ZNF407: variants seen among roughly 807,000 people sequenced by gnomAD.
ZNF407 encodes the protein zinc finger protein 407.
ZNF407 carries 17 observed loss-of-function variants against 131.2 expected under a neutral mutation model. The observed-to-expected ratio is 0.13, with a 90% CI of 0.09 to 0.19. The LOEUF (loss-of-function observed/expected upper bound fraction) is 0.19, where lower values mean the gene tolerates loss of function less well. Among genes scored for constraint, ZNF407 ranks in the 10% least tolerant of loss-of-function variants. ZNF407 has a pLI of 1.00. For missense variants in ZNF407, 2,681 were observed against 2,830.6 expected (o/e 0.95, Z 1.20); for synonymous variants, 1,156 against 1,062.0 (o/e 1.09, Z -1.72).
chr18:74,759,762 T>G (rs1490480238), intron 3 of ZNF407, among the ~76,000 whole-genome samples: 1 of 151,754 alleles, frequency 6.6e-6, no homozygotes, highest in Non-Finnish European at 1.5e-5. Flanking sequence ...ATTCTCTTAT[T>G]TTCCTGTATT....
At chr18:74,881,155 G>A (rs1334408381) in intron 6 of ZNF407, 36 bp downstream of exon 6, 4 of 1,532,500 alleles carry the variant, frequency 2.6e-6, no homozygotes, top group Non-Finnish European at 3.5e-6. Context: ...CTTCTCTGCA[G>A]AGAGGACGGC....
chr18:75,064,419 C>G lies in ZNF407; in HGVS notation c.6698C>G (p.Ala2233Gly). The G allele has an allele frequency of 1.3e-6, 2 of 1,523,590 alleles. No individual in the cohort carries two copies. The highest frequency in any genetic ancestry group is 1.8e-6 in the Non-Finnish European group (2 of 1,136,498). The allele number at this position is 1,523,590 out of a possible 1,614,324, so 94.4% of individuals were successfully genotyped here. The change falls in exon 9 of 9, where the codon GCG becomes GGG. Residue 2233 changes from alanine to glycine, a missense_variant. Physicochemically the swap from Ala to Gly is moderately conservative, Grantham distance 60. Transcript: ENST00000299687. ...VIYTQEGSSA[A>G]AAIQSQRESS... ...TACACCCAGGAGGGCTCCTCGGCCG[C>G]GGCGGCAATTCAGAGCCAAAGAGAA...
chr18:74,746,521 T>A (rs1419781805), intron 3 of ZNF407, among the ~76,000 whole-genome samples: 1 of 152,160 alleles, frequency 6.6e-6, no homozygotes, highest in Non-Finnish European at 1.5e-5. Flanking sequence ...CATATAAGAA[T>A]GAGAATATTC....
chr18:74,688,241 A>G (rs768351163), intron 3 of ZNF407, among the ~76,000 whole-genome samples: 9 of 152,216 alleles, frequency 5.9e-5, no homozygotes, highest in Non-Finnish European at 1.3e-4. Context: ...TCTCAGTTAC[A>G]CGTTGCAAGG....
rs1046468421 is a variant in ZNF407, at chr18:74,752,759, G to A, written c.4803-28669G>A. Among the ~76,000 whole-genome samples, 7 of 152,324 alleles carry A rather than the reference G, an allele frequency of 4.6e-5. No homozygotes were observed. In the East Asian group the frequency reaches 9.6e-4, roughly 21 times the overall value. ...ATCTCTGTTTTGGTACCAGTACCAT[G>A]CTGTTTTGGTTACTGTAGCCTTGTA... On this transcript the variant is annotated intron_variant, in intron 3 of 8. Transcript: ENST00000299687.
intron 3 of ZNF407, among the ~76,000 whole-genome samples, chr18:74,686,794 A>C (rs905741884): frequency 6.6e-6 from 1 of 152,228 alleles, no homozygotes. Context: ...AACAAAGGTA[A>C]ATTTTTTCTT....
At chr18:74,891,024 C>A (rs1321354152) in intron 7 of ZNF407, among the ~76,000 whole-genome samples, 1 of 152,176 alleles carries the variant, frequency 6.6e-6, no homozygotes, top group African/African-American at 2.4e-5. Context: ...CTAGTGGCGG[C>A]AGCGAAGCCT....
intron 1 of ZNF407, among the ~76,000 whole-genome samples, chr18:74,625,258 T>C (rs1983737056): frequency 6.6e-6 from 1 of 152,238 alleles, no homozygotes; most frequent in Non-Finnish European, 1.5e-5. Flanking sequence ...CTCATTATTT[T>C]GCTTCTTAGT....
intron 2 of ZNF407, among the ~76,000 whole-genome samples, chr18:74,636,793 T>A (rs1382382649): frequency 6.6e-6 from 1 of 152,246 alleles, no homozygotes; most frequent in Non-Finnish European, 1.5e-5. Context: ...GTACTTGTGA[T>A]CCCAAATATT....
At chr18:74,714,791 G>GT (rs932729184) in intron 3 of ZNF407, among the ~76,000 whole-genome samples, 4 of 152,088 alleles carry the variant, frequency 2.6e-5, no homozygotes, top group Non-Finnish European at 2.9e-5. Flanking sequence ...GTTTTGAAGT[G>GT]TTTTTTTACA....
rs1418689644 is a variant in ZNF407 at position 74,830,830 on chromosome 18, C to T, written c.4878-46367C>T. On this transcript the variant is annotated intron_variant, in intron 4 of 8. Coordinates refer to ENST00000299687, the MANE Select transcript of ZNF407 (RefSeq NM_017757.3). Reference sequence around the variant, plus strand: ...ATAATATATTATTGTTAAATGTAGTCGTCCTACAGCGGTATCTAACCCTAG... The same window carrying T: ...ATAATATATTATTGTTAAATGTAGTTGTCCTACAGCGGTATCTAACCCTAG... 2.0e-5 allele frequency among the ~76,000 whole-genome samples: 3 copies of T among 152,108 alleles called. 1 individual carries two copies. Among genetic ancestry groups the T allele is most frequent in the South Asian group, 4.1e-4 (2 of 4,824 alleles).
chr18:74,905,515 C>G (rs1321903967), intron 7 of ZNF407: 1 of 152,270 alleles, frequency 6.6e-6, no homozygotes, highest in Non-Finnish European at 1.5e-5. Flanking sequence ...TTTATCCTCT[C>G]AAGGGTGGTG....
chr18:75,059,693 G>A (rs962391250), intron 8 of ZNF407, among the ~76,000 whole-genome samples: 2 of 152,160 alleles, frequency 1.3e-5, no homozygotes, highest in Non-Finnish European at 2.9e-5. Flanking sequence ...AGCCACACGG[G>A]CCCGGCTTAT....
In ZNF407 at chr18:75,027,520, A is replaced by G. The variant is rs558192041; in HGVS notation, c.5429-35630A>G. On this transcript the variant is annotated intron_variant, in intron 8 of 8. Coordinates refer to ENST00000299687, the MANE Select transcript of ZNF407 (RefSeq NM_017757.3). ...AGGATGTAGGATACATTTTGGAGACAGAGGTGGTGGAACTTGTTAGTGGGT... is the reference window on the plus strand; with the variant it reads ...AGGATGTAGGATACATTTTGGAGACGGAGGTGGTGGAACTTGTTAGTGGGT... 7.7e-4 allele frequency among the ~76,000 whole-genome samples: 118 copies of G among 152,296 alleles called. 1 individual carries two copies. The highest frequency in any genetic ancestry group is 2.7e-3 in the African/African-American group (114 of 41,552).
intron 8 of ZNF407, among the ~76,000 whole-genome samples, chr18:74,968,959 G>A (rs1352981226): frequency 6.6e-6 from 1 of 152,042 alleles, no homozygotes; most frequent in East Asian, 1.9e-4. Flanking sequence ...TTTTGTTCCA[G>A]CCGGCTTTTT....
At chr18:74,660,301 C>T (rs1345145716) in intron 3 of ZNF407, among the ~76,000 whole-genome samples, 1 of 152,036 alleles carries the variant, frequency 6.6e-6, no homozygotes, top group Non-Finnish European at 1.5e-5. Context: ...TGGGAGACTG[C>T]TTTTCTTGGT....
At chr18:75,053,179 T>C (rs796412260) in intron 8 of ZNF407, among the ~76,000 whole-genome samples, 9 of 152,280 alleles carry the variant, frequency 5.9e-5, no homozygotes, top group African/African-American at 2.2e-4. Context: ...GCTGCTGAGA[T>C]AGAATGACGC....
chr18:74,809,690 A>G (rs1369843587), intron 4 of ZNF407, among the ~76,000 whole-genome samples: 1 of 152,256 alleles, frequency 6.6e-6, no homozygotes, highest in African/African-American at 2.4e-5. Flanking sequence ...AATGGAGTCT[A>G]GATCAGGAAT....
Position 74,632,704 on chromosome 18 carries a change from G to A in ZNF407, c.1685G>A (p.Cys562Tyr). The A allele has an allele frequency of 6.2e-7, 1 of 1,614,020 alleles. No individual in the cohort carries two copies. The highest frequency in any genetic ancestry group is 8.5e-7 in the Non-Finnish European group (1 of 1,179,902). The change falls in exon 2 of 9, where the codon TGT becomes TAT. Residue 562 changes from cysteine (C) to tyrosine (Y), a missense_variant. By Grantham distance (194) the Cys-to-Tyr change is radical (BLOSUM62 -2). Transcript: ENST00000299687. ...AREMKFYCRT[C>Y]DFSSMSRRDL... Reference sequence around the variant, plus strand: ...GAGATGAAATTTTACTGCCGTACTTGTGACTTCTCTAGTATGTCAAGAAGG... The same window carrying A: ...GAGATGAAATTTTACTGCCGTACTTATGACTTCTCTAGTATGTCAAGAAGG...
Sources: gnomAD v4.1 joint callset for allele counts (sites outside exome capture counted in the v4.1 genomes callset) on GRCh38, gnomAD v4.1.1 for gene constraint, MANE v1.5 for transcripts, NCBI Gene and HGNC (gene_info 2026-07-23, HGNC 2026-07-21) for gene names.